RALGAPB: variants seen among roughly 807,000 people sequenced by gnomAD.
RALGAPB encodes the protein Ral GTPase activating protein non-catalytic subunit beta, also known as ral GTPase-activating protein subunit beta.
In RALGAPB, 25 loss-of-function variants were observed where a neutral mutation model predicts 161.1. That is an observed-to-expected ratio of 0.16 (90% confidence interval 0.11 to 0.22). The LOEUF (loss-of-function observed/expected upper bound fraction) is 0.22, where lower values mean the gene tolerates loss of function less well. RALGAPB is among the 10% of genes least tolerant of loss of function. The pLI, the probability that RALGAPB is intolerant of heterozygous loss-of-function variation, is 1.00. For synonymous variants in RALGAPB, 629 were observed against 626.1 expected (o/e 1.00, Z -0.07); for missense variants, 1,391 against 1,815.2 (o/e 0.77, Z 4.25).
At chr20:38,517,039 G>T (rs1237667171) in intron 7 of RALGAPB, among the ~76,000 whole-genome samples, 1 of 152,124 alleles carries the variant, frequency 6.6e-6, no homozygotes, top group Non-Finnish European at 1.5e-5. Flanking sequence ...TAAATCTAGG[G>T]CTAGGCAGTG....
intron 8 of RALGAPB, 53 bp downstream of exon 8, chr20:38,517,707 G>T: frequency 6.2e-7 from 1 of 1,606,946 alleles, no homozygotes. Context: ...TTTTTAATCT[G>T]CCATTCTTTT....
At chr20:38,528,411 G>T (rs1385129137) in intron 13 of RALGAPB, among the ~76,000 whole-genome samples, 1 of 151,232 alleles carries the variant, frequency 6.6e-6, no homozygotes, top group Non-Finnish European at 1.5e-5. Context: ...TTGCTCTGTT[G>T]CCCAGGCTGG....
intron 7 of RALGAPB, 132 bp from the exon 8 acceptor site, chr20:38,517,374 C>A: frequency 1.2e-6 from 1 of 807,694 alleles, no homozygotes; most frequent in Non-Finnish European, 1.8e-6. Context: ...TGAGTAGATA[C>A]TGAGAGGCAA....
At chr20:38,507,957 T>G (rs2085813882) in intron 5 of RALGAPB, among the ~76,000 whole-genome samples, 1 of 152,056 alleles carries the variant, frequency 6.6e-6, no homozygotes, top group Non-Finnish European at 1.5e-5. Context: ...TTGAATAGTT[T>G]TAATACATTT....
At chr20:38,495,536 T>C (rs1028498699) in intron 3 of RALGAPB, among the ~76,000 whole-genome samples, 2 of 152,184 alleles carry the variant, frequency 1.3e-5, no homozygotes, top group African/African-American at 2.4e-5. Flanking sequence ...ATCATTACTG[T>C]GTTCCAATAC....
rs577320161 is a variant in RALGAPB, at chr20:38,490,630, C to T, written c.186+2012C>T. Among the ~76,000 whole-genome samples the T allele has an allele frequency of 2.7e-5, 4 of 149,186 alleles. No homozygotes were observed. The South Asian group carries it at 8.5e-4, about 32-fold the overall frequency. On this transcript the variant is annotated intron_variant, in intron 2 of 29. Transcript: ENST00000262879. ...CAAGCGATTCTACTGCCTCAGCCAC[C>T]CGAGTAGCTGGGATTACAGGCATGC... is the stretch of plus-strand genomic sequence containing the variant.
At chr20:38,554,794 A>T (rs1329079821) in intron 22 of RALGAPB, among the ~76,000 whole-genome samples, 2 of 152,236 alleles carry the variant, frequency 1.3e-5, no homozygotes, top group Non-Finnish European at 2.9e-5. Context: ...AAACAATTTT[A>T]CAGCCAGGTG....
At chr20:38,481,136 G>A (rs1057030022) in intron 1 of RALGAPB, among the ~76,000 whole-genome samples, 14 of 152,098 alleles carry the variant, frequency 9.2e-5, no homozygotes, top group African/African-American at 3.1e-4. Context: ...CTCTGTATCT[G>A]TAGTCTTTCC....
intron 6 of RALGAPB, among the ~76,000 whole-genome samples, chr20:38,513,467 G>C (rs1343767317): frequency 6.6e-6 from 1 of 150,888 alleles, no homozygotes; most frequent in Non-Finnish European, 1.5e-5. Flanking sequence ...CGACAGAGCG[G>C]CGGCGGTGGG....
chr20:38,570,937 G>C (rs2088210831), intron 28 of RALGAPB, 90 bp downstream of exon 28: 8 of 851,214 alleles, frequency 9.4e-6, no homozygotes, highest in Non-Finnish European at 1.3e-5. Context: ...AAACGAAAGA[G>C]TTGTAGACAA....
intron 5 of RALGAPB, among the ~76,000 whole-genome samples, chr20:38,506,777 AAG>A (rs2085776373): frequency 1.3e-5 from 2 of 152,168 alleles, no homozygotes; most frequent in Admixed American, 6.5e-5. Flanking sequence ...ATAGGGGGCA[AAG>A]AGAGGGGGTG....
intron 2 of RALGAPB, among the ~76,000 whole-genome samples, chr20:38,492,581 A>C (rs1246859591): frequency 6.6e-6 from 1 of 152,206 alleles, no homozygotes; most frequent in Admixed American, 6.5e-5. Context: ...AGTGGAGAAA[A>C]AACTCTAAAA....
intron 24 of RALGAPB, 42 bp downstream of exon 24, chr20:38,562,739 G>T: frequency 6.5e-7 from 1 of 1,528,070 alleles, no homozygotes; most frequent in South Asian, 1.3e-5. Flanking sequence ...TTTCTTGTTT[G>T]TTAGTCTTGT....
rs1568982413 is a variant in RALGAPB, at chr20:38,565,492, T to G, written c.3817+14T>G. On this transcript the variant is annotated intron_variant, in intron 25 of 29. Transcript: ENST00000262879. ...TGGAGTCCTTAAGTAAGATGATTTT[T>G]GCATGGTCCTGTTTTAGGATCTATT... The G allele has an allele frequency of 6.2e-7, 1 of 1,612,124 alleles. No homozygotes were observed. Among genetic ancestry groups the G allele is most frequent in the East Asian group, 2.2e-5 (1 of 44,786 alleles).
At position 38,570,856 on chromosome 20, in the gene RALGAPB, T is replaced by C; in HGVS notation, c.4142+9T>C. 1 of 1,568,896 alleles carries C rather than the reference T, an allele frequency of 6.4e-7. No homozygotes were observed. The stretch of plus-strand genomic sequence containing the variant: ...AGTAGCACTTCACTGAGGTACACTC[T>C]ATTTGCTTGAAGTTCATCAGCGTGT... On this transcript the variant is annotated intron_variant, in intron 28 of 29. Transcript: ENST00000262879.
At chr20:38,491,849 C>T (rs560200326) in intron 2 of RALGAPB, among the ~76,000 whole-genome samples, 3 of 152,190 alleles carry the variant, frequency 2.0e-5, no homozygotes, top group East Asian at 1.9e-4. Flanking sequence ...GAATGAAGCT[C>T]ATTTGGCATG....
rs180930892 is a variant in RALGAPB, at chr20:38,574,216, G to A, written c.4209G>A (p.Arg1403=). Residue 1403 remains arginine (R), a synonymous_variant, in exon 29 of 30, where the codon CGG becomes CGA. Coordinates refer to ENST00000262879, the MANE Select transcript of RALGAPB (RefSeq NM_020336.4). ...FIHPLNTGLF[R]IKIQGATGKF... ...ACCCTTTAAACACTGGATTATTCCGGATAAAAATTCAAGGAGCCACTGGAA... is the reference window on the plus strand; with the variant it reads ...ACCCTTTAAACACTGGATTATTCCGAATAAAAATTCAAGGAGCCACTGGAA... 24 of 1,613,560 alleles carry A rather than the reference G, an allele frequency of 1.5e-5. 1 individual carries two copies. In the East Asian group the frequency reaches 4.5e-4, roughly 30 times the overall value.
chr20:38,569,825 T>C, intron 26 of RALGAPB, 63 bp from the exon 27 acceptor site: 1 of 1,323,158 alleles, frequency 7.6e-7, no homozygotes, highest in East Asian at 2.3e-5. Context: ...TGGGTAGTTT[T>C]ATTAAGCCAG....
At chr20:38,509,344 C>G in intron 6 of RALGAPB, 136 bp downstream of exon 6, 1 of 985,090 alleles carries the variant, frequency 1.0e-6, no homozygotes, top group East Asian at 2.5e-5. Flanking sequence ...AGCTGGACAA[C>G]AAGCACATTT....
Sources: gnomAD v4.1 joint callset for allele counts (sites outside exome capture counted in the v4.1 genomes callset) on GRCh38, gnomAD v4.1.1 for gene constraint, MANE v1.5 for transcripts, NCBI Gene and HGNC (gene_info 2026-07-23, HGNC 2026-07-21) for gene names.